The following ANKAR variants were observed in gnomAD, a reference collection of about 807,000 sequenced individuals.
ANKAR encodes the protein ankyrin and armadillo repeat-containing protein.
ANKAR carries 136 observed loss-of-function variants against 146.2 expected under a neutral mutation model. That is an observed-to-expected ratio of 0.93 (90% CI 0.81 to 1.07). The LOEUF (loss-of-function observed/expected upper bound fraction) is 1.07. Among genes scored for constraint, ANKAR ranks in the 50% least tolerant of loss-of-function variants. The probability of loss-of-function intolerance (pLI) is 0.00; values close to 1 mark genes in which losing one functional copy is unlikely to be tolerated. For missense variants in ANKAR, 1,567 were observed against 1,679.9 expected, an observed-to-expected ratio of 0.93 and a Z score of 1.18; for synonymous variants, 500 against 575.8, an observed-to-expected ratio of 0.87 and a Z score of 1.88.
intron 2 of ANKAR, among the ~76,000 whole-genome samples, chr2:189,687,277 T>C (rs1472365985): frequency 6.6e-6 from 1 of 152,170 alleles, no homozygotes; most frequent in African/African-American, 2.4e-5. Context: ...TCCAGTTTCA[T>C]CAAAGTTGTT....
Position 189,693,104 on chromosome 2 carries a change from G to T in ANKAR, c.1234G>T (p.Ala412Ser), listed in dbSNP as rs1219371537. ...TTTAGAAAAAATACGAGATTGTGCT[G>T]CTAATACATTTATAGAAGATTCAGG... ...KNLEKIRDCA[A>S]NTFIEDSGYK... The change falls in exon 5 of 23, where the codon GCT (alanine) becomes TCT (serine). Residue 412 changes from alanine to serine, a missense_variant. Ala to Ser is a moderately conservative substitution (Grantham distance 99). Coordinates refer to ENST00000684021, the MANE Select transcript of ANKAR (RefSeq NM_001378068.1). 1 of 1,546,094 alleles carries T rather than the reference G, an allele frequency of 6.5e-7. No homozygotes were observed. The highest frequency in any genetic ancestry group is 8.8e-7 in the Non-Finnish European group (1 of 1,140,500).
chr2:189,734,757 A>T (rs761619344), intron 17 of ANKAR, among the ~76,000 whole-genome samples: 1 of 152,106 alleles, frequency 6.6e-6, no homozygotes, highest in African/African-American at 2.4e-5. Context: ...TGAGATCAGG[A>T]GTTCGAGACC....
rs2033737742 is a variant in ANKAR, at chr2:189,676,708, G to A, written c.218G>A (p.Ser73Asn). ...GTAGACCTCCCATGTGGAATTATGA[G>A]TCAAATGAATAACGTAGGCTTCTCC... Reference protein sequence around the residue: ...SQVDLPCGIMSQMNNVGFSTA... With the variant: ...SQVDLPCGIMNQMNNVGFSTA... The change falls in exon 2 of 23, where the codon AGT becomes AAT. Residue 73 changes from serine to asparagine, a missense_variant. Physicochemically the swap from Ser to Asn is conservative, Grantham distance 46 (BLOSUM62 1). Coordinates refer to ENST00000684021, the MANE Select transcript of ANKAR (RefSeq NM_001378068.1). 1 of 1,614,076 alleles carries A rather than the reference G, an allele frequency of 6.2e-7. No individual in the cohort carries two copies. Among genetic ancestry groups the A allele is most frequent in the Admixed American group, 1.7e-5 (1 of 60,004 alleles).
chr2:189,726,317 A>C lies in ANKAR; in HGVS notation c.2636-1539A>C, dbSNP rs1276953484. On this transcript the variant is annotated intron_variant, in intron 12 of 22. Coordinates refer to ENST00000684021, the MANE Select transcript of ANKAR (RefSeq NM_001378068.1). The stretch of plus-strand genomic sequence containing the variant: ...CCACAGAGGATATCCCCAGAACCTA[A>C]TGTCACTTTTTTTTTGAAATGAGGT... 2.0e-5 allele frequency among the ~76,000 whole-genome samples: 3 copies of C among 152,158 alleles called. No individual in the cohort carries two copies. The East Asian group carries it at 5.8e-4, about 29-fold the overall frequency.
At chr2:189,750,806 C>T, downstream of ANKAR, 3 of 526,236 alleles carry the variant, frequency 5.7e-6, no homozygotes, top group Admixed American at 7.8e-5. Context: ...TACAAATATA[C>T]TGGGACCTCA....
chr2:189,681,067 C>T (rs1235742280), intron 2 of ANKAR, among the ~76,000 whole-genome samples: 1 of 152,110 alleles, frequency 6.6e-6, no homozygotes, highest in Non-Finnish European at 1.5e-5. Context: ...CTGAGGCTCT[C>T]ATTTGAGAGG....
intron 1 of ANKAR, 60 bp from the exon 2 acceptor site, chr2:189,676,396 A>C (rs2033678724): frequency 7.4e-7 from 1 of 1,360,510 alleles, no homozygotes; most frequent in African/African-American, 1.5e-5. Context: ...TTCTAGACAA[A>C]TCCAGTTTCA....
In ANKAR at chr2:189,734,027, T is replaced by G. The variant is rs55878059; in HGVS notation, c.3423+798T>G. ...AGAATATCCCTCAATTTGACCTTGA[T>G]GTTTTCCCCTAATTAAATTGAAGTT... On this transcript the variant is annotated intron_variant, in intron 17 of 22. Transcript: ENST00000684021. Among the ~76,000 whole-genome samples, 226 of 152,296 alleles carry G rather than the reference T, an allele frequency of 1.5e-3. 2 individuals are homozygous for G. The highest frequency in any genetic ancestry group is 5.3e-3 in the African/African-American group (222 of 41,560).
chr2:189,689,478 C>A, intron 2 of ANKAR, 49 bp from the exon 3 acceptor site: 2 of 1,429,748 alleles, frequency 1.4e-6, no homozygotes, highest in Non-Finnish European at 9.4e-7. Context: ...TATCCAGAAG[C>A]CAAATATGAA....
intron 17 of ANKAR, among the ~76,000 whole-genome samples, chr2:189,736,313 C>T (rs569358760): frequency 1.1e-3 from 164 of 152,240 alleles, no homozygotes; most frequent in African/African-American, 3.9e-3. Context: ...TCTCTCACTT[C>T]GCTCTATCTG....
At chr2:189,691,034 A>AC (rs2036309433) in intron 3 of ANKAR, among the ~76,000 whole-genome samples, 1 of 152,068 alleles carries the variant, frequency 6.6e-6, no homozygotes, top group East Asian at 1.9e-4. Flanking sequence ...TATTGAAAAA[A>AC]CCTAGTCTTT....
intron 18 of ANKAR, among the ~76,000 whole-genome samples, chr2:189,760,192 T>C (rs186076001): frequency 1.8e-3 from 280 of 152,342 alleles, no homozygotes; most frequent in African/African-American, 6.3e-3. Context: ...TGATCTCTCT[T>C]TCTTTTCCCC....
In ANKAR at chr2:189,728,777, G is replaced by T. The variant is rs186809545; in HGVS notation, c.3149G>T (p.Gly1050Val). The change falls in exon 15 of 23, where the codon GGC (glycine) becomes GTC (valine). Residue 1050 changes from glycine (G) to valine (V), a missense_variant. Coordinates refer to ENST00000684021, the MANE Select transcript of ANKAR (RefSeq NM_001378068.1). ...RLLRISTIAE[G>V]TLLSVIRAVG... The stretch of plus-strand genomic sequence containing the variant: ...CTAAGAATTAGTACGATTGCTGAAG[G>T]CACACTTCTCAGTGTCATCAGAGCA... 7.9e-5 allele frequency: 128 copies of T among 1,613,986 alleles called. 1 individual carries two copies. The East Asian group carries it at 2.7e-3, about 34-fold the overall frequency.
intron 3 of ANKAR, among the ~76,000 whole-genome samples, chr2:189,690,184 T>A (rs1452491360): frequency 6.6e-6 from 1 of 152,112 alleles, no homozygotes; most frequent in African/African-American, 2.4e-5. Context: ...ACTGAAAGAT[T>A]TAAAGTAAGT....
Position 189,705,157 on chromosome 2 carries a change from A to G in ANKAR, c.1843A>G (p.Asn615Asp). ...MPIHFAAFYD[N>D]VCIIIALCRK... ...GATTCACTTTGCCGCTTTCTATGAC[A>G]ACGTTTGCATCATTATTGCTCTCTG... The change falls in exon 8 of 23, where the codon AAC becomes GAC. Residue 615 changes from asparagine to aspartate, a missense_variant. By Grantham distance (23) the Asn-to-Asp change is conservative. Transcript: ENST00000684021. 6.2e-7 allele frequency: 1 copy of G among 1,614,172 alleles called. No individual in the cohort carries two copies.
At chr2:189,733,977 G>C (rs2042622416) in intron 17 of ANKAR, among the ~76,000 whole-genome samples, 1 of 151,750 alleles carries the variant, frequency 6.6e-6, no homozygotes, top group South Asian at 2.1e-4. Context: ...TGACATTTTT[G>C]ATGAATTCAG....
At chr2:189,694,898 TAA>T in intron 5 of ANKAR, 81 bp from the exon 6 acceptor site, 1 of 856,558 alleles carries the variant, frequency 1.2e-6, no homozygotes, top group South Asian at 3.6e-5. Flanking sequence ...TACAGAAAAA[TAA>T]AAGTTTTGCC....
rs369163341 is a variant in ANKAR, at chr2:189,719,693, G to A, written c.2346G>A (p.Ala782=). 121 of 1,613,980 alleles carry A rather than the reference G, an allele frequency of 7.5e-5. No individual in the cohort carries two copies. Among genetic ancestry groups the A allele is most frequent in the Non-Finnish European group, 9.9e-5 (117 of 1,180,012 alleles). ...GTGCAGTGCATGCTTTGGTAGAAGC[G>A]GGAGGCATTCCATCTCTAATCAACC... is the stretch of plus-strand genomic sequence containing the variant. ...HKSAVHALVE[A]GGIPSLINLL... is the part of the protein sequence containing the mutation. The change falls in exon 11 of 23, where the codon GCG becomes GCA. Residue 782 remains alanine, a synonymous_variant. Transcript: ENST00000684021.
intron 19 of ANKAR, among the ~76,000 whole-genome samples, chr2:189,739,323 GTTTT>G (rs1368216378): frequency 8.6e-5 from 13 of 151,958 alleles, no homozygotes; most frequent in Non-Finnish European, 4.4e-5. Context: ...ATAAGTATTT[GTTTT>G]TTAATTAAAA....
Sources: gnomAD v4.1 joint callset for allele counts (sites outside exome capture counted in the v4.1 genomes callset) on GRCh38, gnomAD v4.1.1 for gene constraint, MANE v1.5 for transcripts, NCBI Gene and HGNC (gene_info 2026-07-23, HGNC 2026-07-21) for gene names.